The following CFAP57 variants were observed in gnomAD, a reference collection of about 807,000 sequenced individuals.
CFAP57 encodes the protein cilia- and flagella-associated protein 57.
CFAP57 carries 116 observed loss-of-function variants against 146.8 expected under a neutral mutation model. The observed-to-expected ratio is 0.79, with a 90% CI of 0.68 to 0.92. CFAP57 has a LOEUF of 0.92. CFAP57 is among the 40% of genes least tolerant of loss of function. The pLI is 0.00. For missense variants in CFAP57, 1,377 were observed against 1,527.2 expected, an observed-to-expected ratio of 0.90 and a Z score of 1.64; for synonymous variants, 518 against 552.8, an observed-to-expected ratio of 0.94 and a Z score of 0.88.
rs1342120008 is a variant in CFAP57, at chr1:43,201,100, A to G, written c.1542+1597A>G. Among the ~76,000 whole-genome samples the G allele has an allele frequency of 6.6e-6, 1 of 152,196 alleles. No individual in the cohort carries two copies. The highest frequency in any genetic ancestry group is 1.5e-5 in the Non-Finnish European group (1 of 68,038). ...AGTGTGATGTATGTGTGTGGAGGTC[A>G]GGAGAGAAGTCAGGGCTGAGTATGA... On this transcript the variant is annotated intron_variant, in intron 9 of 22. Coordinates refer to ENST00000372492, the MANE Select transcript of CFAP57 (RefSeq NM_001378189.1). The surrounding 1 kb of genome is among the most constrained non-coding windows in gnomAD (Gnocchi z 4.4).
intron 2 of CFAP57, among the ~76,000 whole-genome samples, chr1:43,175,974 TCA>T (rs1645156584): frequency 6.6e-6 from 1 of 152,100 alleles, no homozygotes; most frequent in Non-Finnish European, 1.5e-5. Flanking sequence ...GATTTTACTT[TCA>T]GTTATTGTGC....
intron 2 of CFAP57, among the ~76,000 whole-genome samples, chr1:43,177,477 T>G (rs1645216559): frequency 2.6e-5 from 4 of 152,034 alleles, no homozygotes; most frequent in African/African-American, 9.7e-5. Flanking sequence ...AGTAAGCAGG[T>G]TGATTTCAGG....
chr1:43,183,950 T>C lies in CFAP57; in HGVS notation c.761+73T>C, dbSNP rs147054446. The C allele has an allele frequency of 7.9e-4, 1,248 of 1,586,986 alleles. 14 individuals carry two copies. Among genetic ancestry groups the C allele is most frequent in the Middle Eastern group, 4.4e-4 (2 of 4,498 alleles). ...GCATTATGCAGAAGACAGCACTCTT[T>C]AGAAACCACTCATAACCCCTCTACC... On this transcript the variant is annotated intron_variant, in intron 4 of 22. Transcript: ENST00000372492.
intron 22 of CFAP57, among the ~76,000 whole-genome samples, chr1:43,246,255 A>G (rs1182404999): frequency 1.3e-5 from 2 of 152,258 alleles, no homozygotes; most frequent in East Asian, 1.9e-4. Flanking sequence ...TGGAGGTCTC[A>G]TACTTTCTGA....
chr1:43,241,025 G>A (rs1361726648), intron 21 of CFAP57, among the ~76,000 whole-genome samples: 3 of 152,278 alleles, frequency 2.0e-5, no homozygotes, highest in East Asian at 3.9e-4. Context: ...TAGCGTAGAC[G>A]GGGTTTCACC....
intron 11 of CFAP57, among the ~76,000 whole-genome samples, chr1:43,213,611 T>G (rs1212980541): frequency 6.6e-6 from 1 of 152,038 alleles, no homozygotes; most frequent in African/African-American, 2.4e-5. Flanking sequence ...CTATTTTTAG[T>G]TTTTTTGAGA....
Position 43,224,119 on chromosome 1 carries a change from T to C in CFAP57, c.2780T>C (p.Leu927Pro), listed in dbSNP as rs1645152435. ...IETLKGEQMK[L>P]QGVIKSLEKD... ...ACCCTAAAAGGAGAGCAGATGAAGCTGCAAGGAGTCATTAAGTCTCTGGAG... is the reference window on the plus strand; with the variant it reads ...ACCCTAAAAGGAGAGCAGATGAAGCCGCAAGGAGTCATTAAGTCTCTGGAG... The change falls in exon 17 of 23, where the codon CTG (leucine) becomes CCG (proline). Residue 927 changes from leucine (L) to proline (P), a missense_variant. Physicochemically the swap from Leu to Pro is moderately conservative, Grantham distance 98. Transcript: ENST00000372492. 12 of 1,550,528 alleles carry C rather than the reference T, an allele frequency of 7.7e-6. No homozygotes were observed. Among genetic ancestry groups the C allele is most frequent in the Non-Finnish European group, 9.6e-6 (11 of 1,146,960 alleles).
At chr1:43,203,363 G>A (rs1281049290) in intron 9 of CFAP57, among the ~76,000 whole-genome samples, 1 of 151,920 alleles carries the variant, frequency 6.6e-6, no homozygotes, top group Non-Finnish European at 1.5e-5. Context: ...TTCCAGTTAT[G>A]TTCTATGAGG....
intron 11 of CFAP57, among the ~76,000 whole-genome samples, chr1:43,214,833 T>C (rs1395828928): frequency 6.6e-6 from 1 of 152,210 alleles, no homozygotes; most frequent in African/African-American, 2.4e-5. Flanking sequence ...TGTGTAGTGA[T>C]ATCTCATCAT....
At chr1:43,228,985 A>G (rs2124594403) in intron 18 of CFAP57, among the ~76,000 whole-genome samples, 1 of 148,924 alleles carries the variant, frequency 6.7e-6, no homozygotes, top group Middle Eastern at 3.4e-3. Context: ...TCGTGACCTG[A>G]TCACCTCCCA....
chr1:43,191,004 C>T (rs1643483863), intron 6 of CFAP57, among the ~76,000 whole-genome samples: 1 of 152,108 alleles, frequency 6.6e-6, no homozygotes, highest in African/African-American at 2.4e-5. Context: ...GTGTTCCAGC[C>T]TCTTCTAATT....
intron 9 of CFAP57, among the ~76,000 whole-genome samples, chr1:43,205,509 G>A (rs972740684): frequency 6.6e-5 from 10 of 152,210 alleles, no homozygotes; most frequent in Admixed American, 2.6e-4. Flanking sequence ...GTGTGTGCAC[G>A]TATGTAAGCC....
intron 17 of CFAP57, among the ~76,000 whole-genome samples, chr1:43,225,171 G>C (rs1052385459): frequency 1.3e-5 from 2 of 152,190 alleles, no homozygotes; most frequent in African/African-American, 4.8e-5. Flanking sequence ...CACCTAGAAA[G>C]TGGCAACAGC....
chr1:43,199,682 A>C (rs996095064), intron 9 of CFAP57, among the ~76,000 whole-genome samples, 179 bp downstream of exon 9: 1 of 152,260 alleles, frequency 6.6e-6, no homozygotes, highest in Non-Finnish European at 1.5e-5. Flanking sequence ...TTGCAGTTCC[A>C]CTGAAAGAAA....
At chr1:43,182,176 T>C (rs562008907) in intron 3 of CFAP57, among the ~76,000 whole-genome samples, 1 of 152,344 alleles carries the variant, frequency 6.6e-6, no homozygotes, top group Admixed American at 6.5e-5. Context: ...TAATAAAACT[T>C]GCTTTCTCTC....
At chr1:43,237,578 A>G (rs1645752672) in intron 21 of CFAP57, among the ~76,000 whole-genome samples, 1 of 152,082 alleles carries the variant, frequency 6.6e-6, no homozygotes, top group South Asian at 2.1e-4. Flanking sequence ...GGACTTGTGG[A>G]AGGTTTCTGG....
chr1:43,198,396 G>A (rs1643956852), intron 7 of CFAP57, 85 bp from the exon 8 acceptor site: 2 of 1,445,230 alleles, frequency 1.4e-6, no homozygotes, highest in East Asian at 2.3e-5. Context: ...CAAATACGAT[G>A]ATAACAATAT....
intron 13 of CFAP57, among the ~76,000 whole-genome samples, chr1:43,221,131 C>A (rs1645028353): frequency 6.6e-6 from 1 of 152,208 alleles, no homozygotes; most frequent in South Asian, 2.1e-4. Context: ...CTGAACTCAT[C>A]ATTGACAAAC....
chr1:43,247,808 ATTC>A (rs1056555149), intron 22 of CFAP57, among the ~76,000 whole-genome samples: 5 of 152,120 alleles, frequency 3.3e-5, no homozygotes, highest in African/African-American at 1.2e-4. Context: ...CCCAGATTTT[ATTC>A]TTCTTCATTT....
Sources: allele counts gnomAD v4.1 joint callset (sites outside exome capture counted in the v4.1 genomes callset), GRCh38; gene constraint gnomAD v4.1.1; non-coding constraint Gnocchi (gnomAD v3.1); transcripts MANE v1.5; gene names NCBI Gene and HGNC (gene_info 2026-07-23, HGNC 2026-07-21).